RPRD2: variants seen among roughly 807,000 people sequenced by gnomAD.
RPRD2 encodes the protein regulation of nuclear pre-mRNA domain containing 2.
In RPRD2, 12 loss-of-function variants were observed where a neutral mutation model predicts 104.4. The ratio of observed to expected loss-of-function variants is 0.11; its 90% CI spans 0.07 to 0.19. The LOEUF (loss-of-function observed/expected upper bound fraction) is 0.19, where lower values mean the gene tolerates loss of function less well. RPRD2 is among the 10% of genes least tolerant of loss of function. RPRD2 has a pLI of 1.00. For missense variants in RPRD2, 1,543 were observed against 1,790.1 expected, an observed-to-expected ratio of 0.86 and a Z score of 2.49; for synonymous variants, 714 against 684.9, an observed-to-expected ratio of 1.04 and a Z score of -0.66.
intron 2 of RPRD2, among the ~76,000 whole-genome samples, chr1:150,422,952 A>G (rs1234832324): frequency 6.6e-6 from 1 of 152,204 alleles, no homozygotes; most frequent in Non-Finnish European, 1.5e-5. Context: ...CAGTTATTTC[A>G]GTTCTTTTTA....
chr1:150,412,972 TAA>T (rs201693128), intron 1 of RPRD2, among the ~76,000 whole-genome samples: 2 of 149,172 alleles, frequency 1.3e-5, no homozygotes, highest in Non-Finnish European at 3.0e-5. Context: ...GATCTTTTCT[TAA>T]AAAAAAAGGA....
intron 10 of RPRD2, among the ~76,000 whole-genome samples, chr1:150,467,823 C>G (rs1265420907): frequency 1.3e-5 from 2 of 152,082 alleles, no homozygotes; most frequent in Non-Finnish European, 2.9e-5. Context: ...GAACTTTGTT[C>G]TGATTGTGTC....
chr1:150,468,081 G>C (rs1668390116), intron 10 of RPRD2, among the ~76,000 whole-genome samples: 1 of 152,140 alleles, frequency 6.6e-6, no homozygotes, highest in African/African-American at 2.4e-5. Flanking sequence ...AGAATCGCTT[G>C]AACCCGGAAG....
chr1:150,367,515 CTCTTTTTTCT>C (rs1216514495), intron 1 of RPRD2, among the ~76,000 whole-genome samples: 3 of 152,074 alleles, frequency 2.0e-5, no homozygotes, highest in African/African-American at 7.2e-5. Context: ...CACTTTGCTT[CTCTTTTTTCT>C]TCTGACATCC....
chr1:150,453,848 G>A (rs1667353615), intron 7 of RPRD2, among the ~76,000 whole-genome samples: 1 of 152,168 alleles, frequency 6.6e-6, no homozygotes, highest in South Asian at 2.1e-4. Context: ...GTTCACCCTT[G>A]TTTTGCTAGG....
At chr1:150,438,316 G>A (rs1199290916) in intron 2 of RPRD2, among the ~76,000 whole-genome samples, 1 of 149,646 alleles carries the variant, frequency 6.7e-6, no homozygotes, top group Admixed American at 6.7e-5. Context: ...AAAGTCATGC[G>A]TTGCTTAACA....
At chr1:150,439,124 C>G (rs1276963503) in intron 2 of RPRD2, among the ~76,000 whole-genome samples, 1 of 152,170 alleles carries the variant, frequency 6.6e-6, no homozygotes, top group Non-Finnish European at 1.5e-5. Context: ...TGAGCCACCA[C>G]ACCCGGCCGT....
chr1:150,422,382 TA>T (rs1302679625), intron 2 of RPRD2, among the ~76,000 whole-genome samples: 11 of 79,178 alleles, frequency 1.4e-4, no homozygotes, highest in East Asian at 9.6e-4. Flanking sequence ...AAAATTAAAA[TA>T]AAAAAATAAA....
intron 1 of RPRD2, among the ~76,000 whole-genome samples, chr1:150,412,380 G>A (rs587772144): frequency 6.6e-6 from 1 of 152,242 alleles, no homozygotes; most frequent in Non-Finnish European, 1.5e-5. Flanking sequence ...AATAGTTTGG[G>A]GTGGTTTGCG....
Position 150,472,758 on chromosome 1 carries a change from ACCT to A in RPRD2, c.3819_3821del (p.Pro1276del), listed in dbSNP as rs925866436. On this transcript the variant is annotated inframe_deletion, in exon 11 of 11. Transcript: ENST00000369068. ...ACAGTGGAATTCCTTTCCCTACCCCACCTCCTCCTCCCCCTCCTGGGGAACATA... is the reference window on the plus strand; with the variant it reads ...ACAGTGGAATTCCTTTCCCTACCCCACCTCCTCCCCCTCCTGGGGAACATA... 1.4e-5 allele frequency: 22 copies of A among 1,603,640 alleles called. No homozygotes were observed. The highest frequency in any genetic ancestry group is 1.9e-5 in the Non-Finnish European group (22 of 1,175,326).
chr1:150,395,399 G>GTGTGTGTGTA (rs1461510229), intron 1 of RPRD2, among the ~76,000 whole-genome samples: 57 of 151,690 alleles, frequency 3.8e-4, no homozygotes, highest in Admixed American at 6.6e-4. Context: ...GTGTGTGTGT[G>GTGTGTGTGTA]TATACACATC....
At chr1:150,447,726 T>C (rs1666880305) in intron 7 of RPRD2, among the ~76,000 whole-genome samples, 1 of 152,194 alleles carries the variant, frequency 6.6e-6, no homozygotes, top group African/African-American at 2.4e-5. Flanking sequence ...TGTTCCATAA[T>C]GAATTTTTTT....
Position 150,364,304 on chromosome 1 carries a change from G to C in RPRD2, c.-411G>C, listed in dbSNP as rs1450403072. Among the ~76,000 whole-genome samples, 1 of 152,174 alleles carries C rather than the reference G, an allele frequency of 6.6e-6. No homozygotes were observed. Among genetic ancestry groups the C allele is most frequent in the Non-Finnish European group, 1.5e-5 (1 of 68,030 alleles). ...CATTTAAGATATTAACGCCCGACCT[G>C]GCTCACAGGAGTGTGGGAACAGGGG... On this transcript the variant is annotated 5_prime_UTR_variant, in exon 1 of 11. Coordinates refer to ENST00000369068, the MANE Select transcript of RPRD2 (RefSeq NM_015203.5).
intron 1 of RPRD2, among the ~76,000 whole-genome samples, chr1:150,369,623 ATTT>A (rs61016870): frequency 0.024 from 1,626 of 68,874 alleles, 64 homozygotes; most frequent in African/African-American, 0.086. Context: ...CGCCCAGCTA[ATTT>A]TTTTTTTTTT....
intron 3 of RPRD2, chr1:150,441,290 C>T (rs932865359): frequency 5.9e-6 from 2 of 338,278 alleles, no homozygotes; most frequent in African/African-American, 4.4e-5. Context: ...TGGTTATTTT[C>T]CTGCATTTGC....
At chr1:150,368,796 C>G (rs181114678) in intron 1 of RPRD2, among the ~76,000 whole-genome samples, 1 of 152,070 alleles carries the variant, frequency 6.6e-6, no homozygotes, top group Admixed American at 6.6e-5. Context: ...TTTGTAGAGA[C>G]AGGGTTTCAC....
chr1:150,462,271 G>T (rs1028304983), intron 9 of RPRD2, among the ~76,000 whole-genome samples: 10 of 151,750 alleles, frequency 6.6e-5, no homozygotes, highest in African/African-American at 2.2e-4. Context: ...AACAGAGCAA[G>T]ACTCCGTCTC....
At chr1:150,427,462 G>C (rs1665221596) in intron 2 of RPRD2, among the ~76,000 whole-genome samples, 1 of 147,532 alleles carries the variant, frequency 6.8e-6, no homozygotes, top group Admixed American at 6.8e-5. Flanking sequence ...AACAGAGCGA[G>C]ACTCTATCTC....
intron 9 of RPRD2, among the ~76,000 whole-genome samples, chr1:150,461,759 T>TC (rs1181591536): frequency 2.0e-5 from 3 of 151,784 alleles, no homozygotes; most frequent in African/African-American, 7.3e-5. Context: ...GGCGGGTGGA[T>TC]CACGAGGTCA....
Sources: gnomAD v4.1 joint callset for allele counts (sites outside exome capture counted in the v4.1 genomes callset) on GRCh38, gnomAD v4.1.1 for gene constraint, MANE v1.5 for transcripts, NCBI Gene and HGNC (gene_info 2026-07-23, HGNC 2026-07-21) for gene names.